CAMK2B: variants seen among roughly 807,000 people sequenced by gnomAD.
CAMK2B encodes the protein calcium/calmodulin-dependent protein kinase type II subunit beta.
CAMK2B carries 27 observed loss-of-function variants against 93.7 expected under a neutral mutation model. The ratio of observed to expected loss-of-function variants is 0.29; its 90% CI spans 0.21 to 0.40. CAMK2B has a LOEUF of 0.40. Among genes scored for constraint, CAMK2B ranks in the 10% least tolerant of loss-of-function variants. CAMK2B has a pLI of 1.00. For synonymous variants in CAMK2B, 374 were observed against 358.8 expected, an observed-to-expected ratio of 1.04 and a Z score of -0.48; for missense variants, 568 against 895.8, an observed-to-expected ratio of 0.63 and a Z score of 4.67.
Position 44,242,659 on chromosome 7 carries a change from G to A in CAMK2B, c.602-5C>T, listed in dbSNP as rs753443759. 6.9e-6 allele frequency: 11 copies of A among 1,603,402 alleles called. No individual in the cohort carries two copies. The East Asian group carries it at 9.0e-5, about 13-fold the overall frequency. On this transcript the variant is annotated splice_region_variant and splice_polypyrimidine_tract_variant and intron_variant, in intron 8 of 23. Coordinates refer to ENST00000395749, the MANE Select transcript of CAMK2B (RefSeq NM_001220.5). ...GCAGGATGTACAGGATCACCCCTGC[G>A]GATGGGGCCTGTGAGCACCGCAGCC...
At chr7:44,273,535 G>C (rs2096996216) in intron 2 of CAMK2B, among the ~76,000 whole-genome samples, 1 of 149,914 alleles carries the variant, frequency 6.7e-6, no homozygotes, top group African/African-American at 2.4e-5. Flanking sequence ...CCCAGCCCTG[G>C]TGCGATGGGT....
chr7:44,276,627 C>A (rs2097046986), intron 2 of CAMK2B, among the ~76,000 whole-genome samples: 1 of 152,150 alleles, frequency 6.6e-6, no homozygotes, highest in Non-Finnish European at 1.5e-5. Context: ...GACCAGGTGC[C>A]CCAGAAAGGG....
At chr7:44,316,769 A>G (rs531355181) in intron 1 of CAMK2B, among the ~76,000 whole-genome samples, 56 of 152,194 alleles carry the variant, frequency 3.7e-4, no homozygotes, top group Admixed American at 1.9e-3. Flanking sequence ...GTATTTGTCC[A>G]TTTCATCCAG....
In CAMK2B at chr7:44,242,135, C is replaced by T. The variant is rs1386968446; in HGVS notation, c.819+83G>A. On this transcript the variant is annotated intron_variant, in intron 10 of 23. Transcript: ENST00000395749. The stretch of plus-strand genomic sequence containing the variant: ...TCTTGGATGTCAGGAACAGGACCCT[C>T]TTGGGGTCCTTGCCAGGGGAGTGGT... 8 of 1,495,238 alleles carry T rather than the reference C, an allele frequency of 5.4e-6. No homozygotes were observed. In the East Asian group the frequency reaches 6.8e-5, roughly 13 times the overall value. The allele number at this position is 1,495,238 out of a possible 1,614,324, so 92.6% of individuals were successfully genotyped here. A position where few individuals can be genotyped will look rare whatever the true frequency, so the allele number is the denominator to read the frequency against.
At position 44,243,351 on chromosome 7, in the gene CAMK2B, G is replaced by C. The variant is rs1199033087; in HGVS notation, c.518-18C>G. 1 of 1,612,846 alleles carries C rather than the reference G, an allele frequency of 6.2e-7. No individual in the cohort carries two copies. Among genetic ancestry groups the C allele is most frequent in the Non-Finnish European group, 8.5e-7 (1 of 1,178,908 alleles). On this transcript the variant is annotated intron_variant, in intron 7 of 23. Transcript: ENST00000395749. ...AGCGAAACCTAGAGAGAGGGGAAGA[G>C]GCCACAAGGGGCTGTCAGCATCACC...
chr7:44,303,614 T>C (rs537798936), intron 1 of CAMK2B, among the ~76,000 whole-genome samples: 189 of 152,306 alleles, frequency 1.2e-3, no homozygotes, highest in Admixed American at 6.9e-3. Flanking sequence ...AAATGGGTCA[T>C]AGACCTAAAT....
At chr7:44,285,781 TG>T (rs1784869611) in intron 1 of CAMK2B, among the ~76,000 whole-genome samples, 2 of 122,070 alleles carry the variant, frequency 1.6e-5, no homozygotes, top group Admixed American at 1.7e-4. Context: ...TCAGGAGATG[TG>T]GGGGGAGACC....
At chr7:44,324,361 G>A (rs1372295861) in intron 1 of CAMK2B, among the ~76,000 whole-genome samples, 1 of 152,194 alleles carries the variant, frequency 6.6e-6, no homozygotes, top group African/African-American at 2.4e-5. Flanking sequence ...GGAGATTCAG[G>A]AGTTCTGAAG....
intron 1 of CAMK2B, among the ~76,000 whole-genome samples, chr7:44,290,837 A>G (rs901077250): frequency 1.3e-5 from 2 of 152,228 alleles, no homozygotes; most frequent in Admixed American, 1.3e-4. Flanking sequence ...ATACAAAAAC[A>G]AAACTCACGT....
intron 4 of CAMK2B, among the ~76,000 whole-genome samples, chr7:44,257,171 C>T (rs1410302961): frequency 6.6e-6 from 1 of 152,160 alleles, no homozygotes; most frequent in African/African-American, 2.4e-5. Flanking sequence ...ACAGAGTTCC[C>T]AAACTACTAT....
In CAMK2B at chr7:44,263,017, G is replaced by T; in HGVS notation, c.208C>A (p.His70Asn). 1 of 1,613,422 alleles carries T rather than the reference G, an allele frequency of 6.2e-7. No homozygotes were observed. Among genetic ancestry groups the T allele is most frequent in the Middle Eastern group, 1.7e-4 (1 of 6,056 alleles). ...CCAGGCTGCTCACCGATGTTGGAAT[G>T]CTTCAGAAGGCGGCAGATCCGAGCC... is the stretch of plus-strand genomic sequence containing the variant. ...REARICRLLK[H>N]SNIVRLHDSI... The change falls in exon 3 of 24, where the codon CAT becomes AAT. Residue 70 changes from histidine to asparagine, a missense_variant. Coordinates refer to ENST00000395749, the MANE Select transcript of CAMK2B (RefSeq NM_001220.5).
In CAMK2B at chr7:44,311,177, G is replaced by A. The variant is rs1162903999; in HGVS notation, c.65+14180C>T. Among the ~76,000 whole-genome samples, 1 of 152,170 alleles carries A rather than the reference G, an allele frequency of 6.6e-6. No homozygotes were observed. Among genetic ancestry groups the A allele is most frequent in the Non-Finnish European group, 1.5e-5 (1 of 68,040 alleles). On this transcript the variant is annotated intron_variant, in intron 1 of 23. Transcript: ENST00000395749. The surrounding 1 kb of genome is among the most constrained non-coding windows in gnomAD (Gnocchi z 4.2). ...CAACCTCTGCAACCCCCTGGTTCAA[G>A]CGATTCTCCTGCCTCAACCTCCTGA...
At chr7:44,307,595 C>T (rs572717263) in intron 1 of CAMK2B, among the ~76,000 whole-genome samples, 10 of 152,042 alleles carry the variant, frequency 6.6e-5, no homozygotes, top group Non-Finnish European at 1.2e-4. Flanking sequence ...GAGAGGCTGT[C>T]ACGCACATCA....
chr7:44,294,426 G>C (rs1446697372), intron 1 of CAMK2B, among the ~76,000 whole-genome samples: 1 of 152,206 alleles, frequency 6.6e-6, no homozygotes, highest in Non-Finnish European at 1.5e-5. Flanking sequence ...GCCCAGAACA[G>C]GCATGCAGAA....
intron 12 of CAMK2B, 25 bp from the exon 13 acceptor site, chr7:44,239,688 G>A (rs1338550557): frequency 2.1e-5 from 32 of 1,514,188 alleles, no homozygotes; most frequent in Non-Finnish European, 2.8e-5. Flanking sequence ...TTAGAGACGA[G>A]GGGAAGGGAG....
chr7:44,263,144 C>A, intron 2 of CAMK2B, 80 bp from the exon 3 acceptor site: 1 of 1,373,642 alleles, frequency 7.3e-7, no homozygotes, highest in South Asian at 1.2e-5. Context: ...AGGAGAGGCC[C>A]ACAAGGGTGT....
At chr7:44,284,093 C>A in intron 2 of CAMK2B, 38 bp downstream of exon 2, 1 of 1,501,954 alleles carries the variant, frequency 6.7e-7, no homozygotes. Flanking sequence ...CCTGCCCCAG[C>A]CTGACAGCAG....
chr7:44,319,580 A>AG (rs1795576417), intron 1 of CAMK2B, among the ~76,000 whole-genome samples: 1 of 152,146 alleles, frequency 6.6e-6, no homozygotes, highest in Admixed American at 6.6e-5. Flanking sequence ...TGACCGCGGC[A>AG]GGAGTCCACT....
intron 2 of CAMK2B, among the ~76,000 whole-genome samples, chr7:44,265,457 T>G (rs143560678): frequency 6.6e-5 from 10 of 152,312 alleles, no homozygotes; most frequent in African/African-American, 2.2e-4. Flanking sequence ...AGAGCCAGGC[T>G]GAGGGAAAGG....
Sources: allele counts gnomAD v4.1 joint callset (sites outside exome capture counted in the v4.1 genomes callset), GRCh38; gene constraint gnomAD v4.1.1; non-coding constraint Gnocchi (gnomAD v3.1); transcripts MANE v1.5; gene names NCBI Gene and HGNC (gene_info 2026-07-23, HGNC 2026-07-21).